Variants in RIN3 observed in about 807,000 individuals in gnomAD.
RIN3 encodes RAB5 interacting protein 3.
In RIN3, 54 loss-of-function variants were observed where a neutral mutation model predicts 76.3. The observed-to-expected ratio is 0.71, with a 90% CI of 0.57 to 0.89. The LOEUF is 0.89. Among genes scored for constraint, RIN3 ranks in the 40% least tolerant of loss-of-function variants. The probability of loss-of-function intolerance (pLI) is 0.00; values close to 1 mark genes in which losing one functional copy is unlikely to be tolerated. For synonymous variants in RIN3, 576 were observed against 564.0 expected (o/e 1.02, Z -0.30); for missense variants, 1,256 against 1,322.1 (o/e 0.95, Z 0.78).
At chr14:92,664,636 CT>C (rs1374915425) in intron 7 of RIN3, among the ~76,000 whole-genome samples, 1 of 152,018 alleles carries the variant, frequency 6.6e-6, no homozygotes, top group Non-Finnish European at 1.5e-5. Flanking sequence ...TCCCAAAGTG[CT>C]GGGATTACAG....
rs769557411 is a variant in RIN3, at chr14:92,651,685, C to A, written c.636C>A (p.Pro212=). Residue 212 remains proline, a synonymous_variant, in exon 6 of 10, where the codon CCC becomes CCA. Coordinates refer to ENST00000216487, the MANE Select transcript of RIN3 (RefSeq NM_024832.5). ...PGFPLVSSLR[P]TAHDANCACE... ...TCCCCCTAGTCTCCAGCCTCAGGCC[C>A]ACAGCCCATGACGCAAACTGTGCCT... The A allele has an allele frequency of 2.2e-5, 36 of 1,613,986 alleles. No individual in the cohort carries two copies. In the Middle Eastern group the frequency reaches 4.9e-4, roughly 22 times the overall value.
At chr14:92,515,216 ACAAATACCAT>A in intron 1 of RIN3, 1 of 699,218 alleles carries the variant, frequency 1.4e-6, no homozygotes, top group Non-Finnish European at 2.6e-6. Context: ...CTCTGCAAAG[ACAAATACCAT>A]CCGGTGGGAA....
chr14:92,687,643 C>A (rs958530487), intron 9 of RIN3: 14 of 474,662 alleles, frequency 2.9e-5, no homozygotes, highest in African/African-American at 2.3e-4. Flanking sequence ...GATGGGGAGC[C>A]TGTGGACCAG....
intron 3 of RIN3, 55 bp downstream of exon 3, chr14:92,577,532 G>C (rs1434162415): frequency 9.1e-7 from 1 of 1,102,546 alleles, no homozygotes; most frequent in Admixed American, 1.7e-5. Flanking sequence ...AGCAGCAGCA[G>C]AGAGGCTGCA....
At chr14:92,577,219 G>A (rs1898270546) in intron 2 of RIN3, 141 bp from the exon 3 acceptor site, 2 of 604,512 alleles carry the variant, frequency 3.3e-6, no homozygotes, top group Admixed American at 5.0e-5. Context: ...AGAACCCCCA[G>A]TGTCCCTGAG....
At chr14:92,576,652 G>T (rs897895614) in intron 2 of RIN3, among the ~76,000 whole-genome samples, 2 of 152,160 alleles carry the variant, frequency 1.3e-5, no homozygotes, top group Non-Finnish European at 2.9e-5. Flanking sequence ...AACTCAGTCA[G>T]TCATCACACC....
chr14:92,562,013 T>G (rs534113455), intron 2 of RIN3, among the ~76,000 whole-genome samples: 8 of 152,282 alleles, frequency 5.3e-5, no homozygotes, highest in Middle Eastern at 3.4e-3. Flanking sequence ...TTTTCTCTGC[T>G]CCGGGATCCC....
intron 4 of RIN3, among the ~76,000 whole-genome samples, chr14:92,637,956 G>A (rs1191751893): frequency 1.3e-5 from 2 of 152,188 alleles, no homozygotes; most frequent in Non-Finnish European, 2.9e-5. Flanking sequence ...TAAAACAGAG[G>A]TACTGATGCC....
At chr14:92,565,843 T>A (rs1292555231) in intron 2 of RIN3, among the ~76,000 whole-genome samples, 1 of 152,140 alleles carries the variant, frequency 6.6e-6, no homozygotes, top group African/African-American at 2.4e-5. Context: ...TCCTGTCTTA[T>A]CCTGTGACTA....
intron 1 of RIN3, among the ~76,000 whole-genome samples, chr14:92,550,671 A>T (rs1409546193): frequency 6.6e-6 from 1 of 152,204 alleles, no homozygotes; most frequent in African/African-American, 2.4e-5. Context: ...TTCCTGCCTT[A>T]GCCTTAATCC....
At chr14:92,633,577 G>A (rs1595470688) in intron 4 of RIN3, among the ~76,000 whole-genome samples, 2 of 152,342 alleles carry the variant, frequency 1.3e-5, no homozygotes, top group East Asian at 1.9e-4. Context: ...CATCTGAAGT[G>A]GGGGCAGTCT....
In RIN3 at chr14:92,662,058, C is replaced by T. The variant is rs575271552; in HGVS notation, c.2335+2589C>T. Among the ~76,000 whole-genome samples the T allele has an allele frequency of 3.9e-5, 6 of 152,338 alleles. No homozygotes were observed. In the East Asian group the frequency reaches 7.7e-4, roughly 20 times the overall value. ...AGCCTGCAGAGCCCAGAGCTCTTGGCGAGTTTGACCTGGTCAGCCCCAGAG... is the reference window on the plus strand; with the variant it reads ...AGCCTGCAGAGCCCAGAGCTCTTGGTGAGTTTGACCTGGTCAGCCCCAGAG... On this transcript the variant is annotated intron_variant, in intron 7 of 9. Coordinates refer to ENST00000216487, the MANE Select transcript of RIN3 (RefSeq NM_024832.5).
chr14:92,600,652 T>G (rs1023105185), intron 3 of RIN3, among the ~76,000 whole-genome samples: 2 of 152,198 alleles, frequency 1.3e-5, no homozygotes, highest in Non-Finnish European at 2.9e-5. Flanking sequence ...ACCCACTGTG[T>G]GCCAGGCAGC....
chr14:92,595,236 G>A (rs116907780), intron 3 of RIN3, among the ~76,000 whole-genome samples: 2,152 of 152,268 alleles, frequency 0.014, 26 homozygotes, highest in South Asian at 0.032. Context: ...AAAAAGAGAG[G>A]GTTGCAGGAA....
chr14:92,679,820 A>G (rs1244854779), intron 8 of RIN3, among the ~76,000 whole-genome samples: 1 of 152,208 alleles, frequency 6.6e-6, no homozygotes, highest in Non-Finnish European at 1.5e-5. Context: ...AAAGTGGAGT[A>G]AAAAGAGCAG....
intron 4 of RIN3, among the ~76,000 whole-genome samples, chr14:92,620,802 G>A (rs6575269): frequency 0.9 from 136,445 of 152,194 alleles, 61,380 homozygotes; most frequent in African/African-American, 0.94. Context: ...ATCCTGACAC[G>A]TAATTCAGTA....
chr14:92,620,403 G>T (rs1365148425), intron 4 of RIN3, among the ~76,000 whole-genome samples: 1 of 152,192 alleles, frequency 6.6e-6, no homozygotes, highest in Non-Finnish European at 1.5e-5. Flanking sequence ...AGTATACGCA[G>T]AACACTTAAA....
chr14:92,585,303 G>A (rs1055185903), intron 3 of RIN3, among the ~76,000 whole-genome samples: 3 of 152,182 alleles, frequency 2.0e-5, no homozygotes, highest in African/African-American at 7.2e-5. Context: ...AGGATAATGG[G>A]TCAGCTGGTG....
chr14:92,533,363 A>G (rs910139090), intron 1 of RIN3, among the ~76,000 whole-genome samples: 4 of 152,248 alleles, frequency 2.6e-5, no homozygotes, highest in Non-Finnish European at 5.9e-5. Context: ...ACTACTGAGT[A>G]TCTACCCAGA....
Sources: allele counts gnomAD v4.1 joint callset (sites outside exome capture counted in the v4.1 genomes callset), GRCh38; gene constraint gnomAD v4.1.1; transcripts MANE v1.5; gene names NCBI Gene and HGNC (gene_info 2026-07-23, HGNC 2026-07-21).